The following KCNAB1 variants were observed in gnomAD, a reference collection of about 807,000 sequenced individuals.
KCNAB1 encodes voltage-gated potassium channel subunit beta-1.
Under a neutral mutation model 64.6 loss-of-function variants are expected in KCNAB1, and 35 were observed. The ratio of observed to expected loss-of-function variants is 0.54; its 90% confidence interval spans 0.41 to 0.72. The LOEUF (loss-of-function observed/expected upper bound fraction) is 0.72, where lower values mean the gene tolerates loss of function less well. Among genes scored for constraint, KCNAB1 ranks in the 30% least tolerant of loss-of-function variants. The pLI is 0.00. For synonymous variants in KCNAB1, 177 were observed against 183.8 expected (o/e 0.96, Z 0.30); for missense variants, 401 against 512.9 (o/e 0.78, Z 2.11).
intron 2 of KCNAB1, among the ~76,000 whole-genome samples, chr3:156,451,466 T>C (rs1712001989): frequency 6.6e-6 from 1 of 152,224 alleles, no homozygotes; most frequent in East Asian, 1.9e-4. Flanking sequence ...GCCAGTCCGT[T>C]TGGGGAATCC....
Position 156,412,448 on chromosome 3 carries a change from A to G in KCNAB1, c.276-9168A>G, listed in dbSNP as rs73873356. Among the ~76,000 whole-genome samples, 735 of 152,376 alleles carry G rather than the reference A, an allele frequency of 4.8e-3. 6 individuals carry two copies. Among genetic ancestry groups the G allele is most frequent in the African/African-American group, 0.016 (669 of 41,592 alleles). On this transcript the variant is annotated intron_variant, in intron 1 of 13. Transcript: ENST00000490337. Reference sequence around the variant, plus strand: ...AACATAAAAGAAAGAAGAATAAAATAATATCTAACTGTGGGCTCCACATCA... The same window carrying G: ...AACATAAAAGAAAGAAGAATAAAATGATATCTAACTGTGGGCTCCACATCA...
Position 156,465,544 on chromosome 3 carries a change from A to G in KCNAB1, c.528-99A>G, listed in dbSNP as rs1400204083. On this transcript the variant is annotated intron_variant, in intron 6 of 13. Transcript: ENST00000490337. ...CCTCCCTCCAGTGGTGTAGAATTTG[A>G]TAAGAACAGGGTGCAAAATTAGCAA... is the stretch of plus-strand genomic sequence containing the variant. The G allele has an allele frequency of 6.7e-6, 7 of 1,048,034 alleles. No individual in the cohort carries two copies. In the Admixed American group the frequency reaches 1.1e-4, roughly 16 times the overall value. The allele number at this position is 1,048,034 out of a possible 1,614,324, so 64.9% of individuals were successfully genotyped here. A position where few individuals can be genotyped will look rare whatever the true frequency, so the allele number is the denominator to read the frequency against.
chr3:156,132,528 T>A (rs183542680), intron 1 of KCNAB1, among the ~76,000 whole-genome samples: 1 of 152,304 alleles, frequency 6.6e-6, no homozygotes, highest in East Asian at 1.9e-4. Context: ...ATGGAGTTGC[T>A]GCAAGGCCAT....
intron 1 of KCNAB1, among the ~76,000 whole-genome samples, chr3:156,387,350 T>C (rs1480736153): frequency 1.3e-5 from 2 of 152,166 alleles, no homozygotes; most frequent in Non-Finnish European, 2.9e-5. Flanking sequence ...AAGGTTAGAA[T>C]TGGCCTAGGG....
chr3:156,427,248 G>C (rs999721083), intron 2 of KCNAB1, among the ~76,000 whole-genome samples: 7 of 152,176 alleles, frequency 4.6e-5, no homozygotes, highest in Admixed American at 3.9e-4. Flanking sequence ...CAAAGAGCTT[G>C]TGACCTCCCA....
chr3:156,296,534 C>T (rs1346167035), intron 1 of KCNAB1, among the ~76,000 whole-genome samples: 3 of 133,186 alleles, frequency 2.3e-5, no homozygotes, highest in Admixed American at 8.6e-5. Flanking sequence ...AGGGCAGTGG[C>T]GCCGTCTCAG....
intron 11 of KCNAB1, among the ~76,000 whole-genome samples, chr3:156,523,171 A>G (rs1718069336): frequency 6.6e-6 from 1 of 152,168 alleles, no homozygotes; most frequent in Admixed American, 6.5e-5. Context: ...TACTTTTTTA[A>G]GTTTCAATAG....
At chr3:156,495,846 C>T (rs1228423746) in intron 8 of KCNAB1, among the ~76,000 whole-genome samples, 1 of 152,106 alleles carries the variant, frequency 6.6e-6, no homozygotes, top group Non-Finnish European at 1.5e-5. Flanking sequence ...GTAAAAGACC[C>T]TTAATATTAA....
intron 1 of KCNAB1, among the ~76,000 whole-genome samples, chr3:156,300,546 C>T (rs879186211): frequency 6.6e-6 from 1 of 152,106 alleles, no homozygotes; most frequent in Non-Finnish European, 1.5e-5. Flanking sequence ...TATAGAATAG[C>T]AAGATTGGCT....
chr3:156,134,954 A>T (rs532578447), intron 1 of KCNAB1, among the ~76,000 whole-genome samples: 1 of 152,090 alleles, frequency 6.6e-6, no homozygotes, highest in Non-Finnish European at 1.5e-5. Flanking sequence ...GCAGGATGGT[A>T]TATTTGGGAA....
chr3:156,246,341 C>G (rs1305906692), intron 1 of KCNAB1, among the ~76,000 whole-genome samples: 1 of 152,168 alleles, frequency 6.6e-6, no homozygotes, highest in Non-Finnish European at 1.5e-5. Context: ...CGCGGTGGCT[C>G]ACGCCTGTAA....
chr3:156,287,554 G>A (rs1720167080), intron 1 of KCNAB1, among the ~76,000 whole-genome samples: 1 of 152,090 alleles, frequency 6.6e-6, no homozygotes, highest in Admixed American at 6.5e-5. Flanking sequence ...GCTCCAGGCT[G>A]GGCATAGTGA....
chr3:156,476,597 A>G (rs531703163), intron 8 of KCNAB1, among the ~76,000 whole-genome samples: 1 of 151,384 alleles, frequency 6.6e-6, no homozygotes, highest in Non-Finnish European at 1.5e-5. Flanking sequence ...ACACACACAT[A>G]TATATATATC....
chr3:156,322,490 T>G (rs1050284312), intron 1 of KCNAB1, among the ~76,000 whole-genome samples: 3 of 152,192 alleles, frequency 2.0e-5, no homozygotes, highest in Admixed American at 6.5e-5. Flanking sequence ...TTACATAGCA[T>G]TTACACTGTA....
chr3:156,538,806 T>C (rs1453378048), downstream of KCNAB1: 1 of 152,380 alleles, frequency 6.6e-6, no homozygotes, highest in Middle Eastern at 3.4e-3. Flanking sequence ...AATCCAAACA[T>C]ATTCTATCAT....
intron 1 of KCNAB1, among the ~76,000 whole-genome samples, chr3:156,318,438 C>T (rs1257010443): frequency 6.6e-6 from 1 of 152,106 alleles, no homozygotes; most frequent in Non-Finnish European, 1.5e-5. Flanking sequence ...GGAGTGGACC[C>T]CCAGCTTCCC....
chr3:156,434,502 T>C (rs79290945), intron 2 of KCNAB1, among the ~76,000 whole-genome samples: 5,441 of 152,114 alleles, frequency 0.036, 328 homozygotes, highest in African/African-American at 0.13. Context: ...AAAGGAAATA[T>C]ATTTAAAAGC....
At chr3:156,372,772 AAT>A (rs1726402132) in intron 1 of KCNAB1, among the ~76,000 whole-genome samples, 1 of 152,234 alleles carries the variant, frequency 6.6e-6, no homozygotes, top group Non-Finnish European at 1.5e-5. Context: ...GTATAGCCAG[AAT>A]ATACAATGCC....
chr3:156,435,711 T>C (rs1716540954), intron 2 of KCNAB1, among the ~76,000 whole-genome samples: 1 of 152,148 alleles, frequency 6.6e-6, no homozygotes, highest in African/African-American at 2.4e-5. Context: ...ATGTACAAAA[T>C]CTGCAAGAGT....
Sources: gnomAD v4.1 joint callset for allele counts (sites outside exome capture counted in the v4.1 genomes callset) on GRCh38, gnomAD v4.1.1 for gene constraint, MANE v1.5 for transcripts, NCBI Gene and HGNC (gene_info 2026-07-23, HGNC 2026-07-21) for gene names.